The following CLSTN2 variants were observed in gnomAD, a reference collection of about 807,000 sequenced individuals.
The protein encoded by CLSTN2 is calsyntenin-2.
CLSTN2 carries 48 observed loss-of-function variants against 101.2 expected under a neutral mutation model. The ratio of observed to expected loss-of-function variants is 0.47; its 90% confidence interval spans 0.38 to 0.60. The LOEUF is 0.60. CLSTN2 is among the 20% of genes least tolerant of loss of function. The probability of loss-of-function intolerance (pLI) is 0.00; values close to 1 mark genes in which losing one functional copy is unlikely to be tolerated. For missense variants in CLSTN2, 1,160 were observed against 1,238.2 expected (o/e 0.94, Z 0.95); for synonymous variants, 481 against 463.6 (o/e 1.04, Z -0.48).
intron 2 of CLSTN2, among the ~76,000 whole-genome samples, chr3:140,351,762 C>T (rs2087609085): frequency 6.6e-6 from 1 of 150,526 alleles, no homozygotes; most frequent in Admixed American, 6.6e-5. Flanking sequence ...ATATAATCAT[C>T]TTTGAAAACT....
intron 2 of CLSTN2, among the ~76,000 whole-genome samples, chr3:140,326,877 A>G (rs541313958): frequency 2.6e-5 from 4 of 152,244 alleles, no homozygotes; most frequent in Non-Finnish European, 5.9e-5. Context: ...ATCTCTTTTA[A>G]GAGTGAAAGG....
chr3:140,029,934 T>C (rs1004132137), intron 1 of CLSTN2, among the ~76,000 whole-genome samples: 1 of 152,174 alleles, frequency 6.6e-6, no homozygotes, highest in Admixed American at 6.5e-5. Flanking sequence ...AGATGCCCTA[T>C]AGAGGCCCCA....
intron 2 of CLSTN2, among the ~76,000 whole-genome samples, chr3:140,179,666 C>A (rs528905566): frequency 7.3e-6 from 1 of 137,634 alleles, no homozygotes; most frequent in African/African-American, 2.6e-5. Context: ...TGCTATTATA[C>A]CTCATTTTGA....
chr3:140,091,486 A>G (rs1474558157), intron 1 of CLSTN2, among the ~76,000 whole-genome samples: 1 of 152,216 alleles, frequency 6.6e-6, no homozygotes, highest in Non-Finnish European at 1.5e-5. Flanking sequence ...CCTGGGCGGT[A>G]TGTGGCAGTC....
chr3:140,207,126 A>G (rs946820075), intron 2 of CLSTN2, among the ~76,000 whole-genome samples: 2 of 152,132 alleles, frequency 1.3e-5, no homozygotes, highest in African/African-American at 4.8e-5. Context: ...ATCAGAGCCA[A>G]CCTATCACAT....
chr3:140,247,989 G>C (rs1481916652), intron 2 of CLSTN2, among the ~76,000 whole-genome samples: 1 of 152,150 alleles, frequency 6.6e-6, no homozygotes, highest in Admixed American at 6.5e-5. Context: ...CAGGGTTGAG[G>C]TCACCTCTCT....
rs1429002761 is a variant in CLSTN2, at chr3:140,546,546, G to A, written c.1539G>A (p.Gln513=). The A allele has an allele frequency of 1.9e-6, 3 of 1,613,978 alleles. No homozygotes were observed. The highest frequency in any genetic ancestry group is 2.2e-5 in the South Asian group (2 of 91,076). The change falls in exon 10 of 17, where the codon CAG becomes CAA. Residue 513 remains glutamine, a synonymous_variant. Coordinates refer to ENST00000458420, the MANE Select transcript of CLSTN2 (RefSeq NM_022131.3). ...AAGTCACCAAACCACAGTTTGCTCA[G>A]TTCTTTCATGGAAGCCTGGCCAGTC... ...GGEVTKPQFA[Q]FFHGSLASLT... is the part of the protein sequence containing the mutation.
At chr3:140,542,279 T>G (rs1468257996) in intron 9 of CLSTN2, among the ~76,000 whole-genome samples, 1 of 152,204 alleles carries the variant, frequency 6.6e-6, no homozygotes, top group African/African-American at 2.4e-5. Flanking sequence ...CTCAAATCCA[T>G]GTAAGCTCCT....
chr3:139,936,879 A>G (rs1576369469), intron 1 of CLSTN2, among the ~76,000 whole-genome samples: 1 of 151,972 alleles, frequency 6.6e-6, no homozygotes, highest in African/African-American at 2.4e-5. Flanking sequence ...TTCTTGGTGT[A>G]TCTTTGACAG....
At chr3:140,226,320 C>A (rs898912195) in intron 2 of CLSTN2, among the ~76,000 whole-genome samples, 4 of 152,104 alleles carry the variant, frequency 2.6e-5, no homozygotes, top group Non-Finnish European at 5.9e-5. Flanking sequence ...TGTCAATGTC[C>A]TGGTTGTGAT....
intron 2 of CLSTN2, among the ~76,000 whole-genome samples, chr3:140,361,833 T>A (rs2087733776): frequency 6.6e-6 from 1 of 151,988 alleles, no homozygotes; most frequent in Admixed American, 6.6e-5. Flanking sequence ...ATAAGAAAGA[T>A]CTAATAAATG....
At chr3:140,315,911 G>T (rs1315995632) in intron 2 of CLSTN2, among the ~76,000 whole-genome samples, 1 of 152,212 alleles carries the variant, frequency 6.6e-6, no homozygotes, top group Non-Finnish European at 1.5e-5. Context: ...TCTGCCTCCA[G>T]ATGGTTTCTG....
At chr3:140,531,630 G>T (rs2107778953) in intron 8 of CLSTN2, among the ~76,000 whole-genome samples, 1 of 152,294 alleles carries the variant, frequency 6.6e-6, no homozygotes, top group East Asian at 1.9e-4. Context: ...CTTAGGGATA[G>T]GACCGGGGGT....
intron 2 of CLSTN2, among the ~76,000 whole-genome samples, chr3:140,334,191 A>G (rs1445580477): frequency 6.6e-6 from 1 of 152,222 alleles, no homozygotes; most frequent in African/African-American, 2.4e-5. Context: ...ATAAAGGTAC[A>G]TCAAGAAAAG....
intron 1 of CLSTN2, among the ~76,000 whole-genome samples, chr3:139,974,461 C>CT (rs888691277): frequency 1.3e-5 from 2 of 152,172 alleles, no homozygotes; most frequent in Admixed American, 6.5e-5. Context: ...TTTGGACCAC[C>CT]TTTCCCTGCT....
At chr3:139,986,623 T>C (rs1936025331) in intron 1 of CLSTN2, among the ~76,000 whole-genome samples, 1 of 152,216 alleles carries the variant, frequency 6.6e-6, no homozygotes, top group African/African-American at 2.4e-5. Context: ...CTAGATTAAA[T>C]TTCTCTGTTG....
chr3:139,988,923 G>T (rs13064684), intron 1 of CLSTN2, among the ~76,000 whole-genome samples: 1 of 152,192 alleles, frequency 6.6e-6, no homozygotes, highest in African/African-American at 2.4e-5. Flanking sequence ...GTAAGCCGAA[G>T]GACAGAGTGT....
chr3:140,487,808 C>T (rs1934269226), intron 8 of CLSTN2, among the ~76,000 whole-genome samples: 1 of 152,168 alleles, frequency 6.6e-6, no homozygotes, highest in Non-Finnish European at 1.5e-5. Context: ...ACAACTATGT[C>T]AAATGTTTCA....
intron 1 of CLSTN2, among the ~76,000 whole-genome samples, chr3:140,058,733 G>T (rs1463503962): frequency 6.6e-6 from 1 of 151,970 alleles, no homozygotes; most frequent in Non-Finnish European, 1.5e-5. Flanking sequence ...ACTCTGGGGG[G>T]CCTTGAAGGC....
Sources: allele counts gnomAD v4.1 joint callset (sites outside exome capture counted in the v4.1 genomes callset), GRCh38; gene constraint gnomAD v4.1.1; transcripts MANE v1.5; gene names NCBI Gene and HGNC (gene_info 2026-07-23, HGNC 2026-07-21).